BMERB1: variants seen among roughly 807,000 people sequenced by gnomAD.
BMERB1 encodes the protein bMERB domain-containing protein 1.
BMERB1 carries 12 observed loss-of-function variants against 23.6 expected under a neutral mutation model. The observed-to-expected ratio is 0.51, with a 90% CI of 0.33 to 0.82. The LOEUF is 0.82. Among genes scored for constraint, BMERB1 ranks in the 40% least tolerant of loss-of-function variants. The pLI is 0.03. For missense variants in BMERB1, 247 were observed against 255.4 expected (o/e 0.97, Z 0.22); for synonymous variants, 122 against 96.6 (o/e 1.26, Z -1.54).
intron 1 of BMERB1, among the ~76,000 whole-genome samples, chr16:15,486,475 G>A (rs2051369854): frequency 6.6e-6 from 1 of 152,136 alleles, no homozygotes; most frequent in Non-Finnish European, 1.5e-5. Flanking sequence ...ATGGGAGAGT[G>A]ACAGAAGTCA....
At chr16:15,510,010 T>C (rs116402141) in intron 1 of BMERB1, among the ~76,000 whole-genome samples, 2,217 of 152,118 alleles carry the variant, frequency 0.015, 59 homozygotes, top group African/African-American at 0.052. Flanking sequence ...TGCTATTACA[T>C]CCAGTGGCAA....
chr16:15,459,881 A>G (rs566515554), intron 1 of BMERB1, among the ~76,000 whole-genome samples: 21 of 152,274 alleles, frequency 1.4e-4, no homozygotes, highest in African/African-American at 3.8e-4. Flanking sequence ...GCCCGTTTTA[A>G]ACATCTGAGC....
intron 1 of BMERB1, among the ~76,000 whole-genome samples, chr16:15,482,580 T>C (rs1400991436): frequency 6.6e-6 from 1 of 152,002 alleles, no homozygotes; most frequent in Non-Finnish European, 1.5e-5. Context: ...CACTCGACAA[T>C]CCAAGGGCAC....
At chr16:15,486,142 C>T (rs2051366253) in intron 1 of BMERB1, among the ~76,000 whole-genome samples, 1 of 144,336 alleles carries the variant, frequency 6.9e-6, no homozygotes, top group African/African-American at 2.6e-5. Context: ...GCAGAGACTG[C>T]AGTGAGCCGA....
chr16:15,470,834 T>C (rs2051223709), intron 1 of BMERB1, among the ~76,000 whole-genome samples: 1 of 126,644 alleles, frequency 7.9e-6, no homozygotes, highest in African/African-American at 3.3e-5. Flanking sequence ...TCTTTTTTTT[T>C]TTTTTTTTTT....
intron 1 of BMERB1, among the ~76,000 whole-genome samples, chr16:15,477,962 A>G (rs1000748220): frequency 2.0e-5 from 3 of 152,152 alleles, no homozygotes; most frequent in Non-Finnish European, 2.9e-5. Context: ...GAATGACACT[A>G]CTGCATCTTG....
At chr16:15,452,249 C>T (rs189994533) in intron 1 of BMERB1, among the ~76,000 whole-genome samples, 92 of 144,132 alleles carry the variant, frequency 6.4e-4, no homozygotes, top group Non-Finnish European at 1.2e-3. Context: ...CCACTGCGCT[C>T]CAGCCTGGGA....
rs74427666 is a variant in BMERB1, at chr16:15,467,459, A to G, written c.106+32700A>G. ...ATCTAATGCTGTTGCACATCTTTTTATGGGCTTATTTGTATGTCCATCTGT... is the reference window on the plus strand; with the variant it reads ...ATCTAATGCTGTTGCACATCTTTTTGTGGGCTTATTTGTATGTCCATCTGT... On this transcript the variant is annotated intron_variant, in intron 1 of 5. Transcript: ENST00000300006. 8.0e-3 allele frequency among the ~76,000 whole-genome samples: 1,216 copies of G among 152,174 alleles called. 8 individuals carry two copies. The highest frequency in any genetic ancestry group is 0.012 in the Non-Finnish European group (832 of 67,996).
intron 3 of BMERB1, among the ~76,000 whole-genome samples, chr16:15,575,962 C>G (rs1185147184): frequency 6.6e-6 from 1 of 151,734 alleles, no homozygotes; most frequent in Non-Finnish European, 1.5e-5. Flanking sequence ...TGATTTAGTT[C>G]TAGGAAGTTG....
chr16:15,468,559 T>C (rs1343308224), intron 1 of BMERB1, among the ~76,000 whole-genome samples: 2 of 152,158 alleles, frequency 1.3e-5, no homozygotes, highest in African/African-American at 4.8e-5. Context: ...TCTGAATGAC[T>C]TTTTCAGGTT....
chr16:15,434,591 C>A lies in BMERB1; in HGVS notation c.-63C>A. 1 of 1,503,060 alleles carries A rather than the reference C, an allele frequency of 6.7e-7. No individual in the cohort carries two copies. The highest frequency in any genetic ancestry group is 9.3e-7 in the Non-Finnish European group (1 of 1,080,208). 93.1% of individuals were successfully genotyped at this position (1,503,060 alleles called of 1,614,324 possible). On this transcript the variant is annotated 5_prime_UTR_variant, in exon 1 of 6. Coordinates refer to ENST00000300006, the MANE Select transcript of BMERB1 (RefSeq NM_033201.3). ...GCTGCTGGCTGGAGCCACCTCCCTC[C>A]CTGCAGCCCGCAACGGGAATGGAGT...
intron 1 of BMERB1, among the ~76,000 whole-genome samples, chr16:15,494,883 T>A (rs2051458866): frequency 7.1e-6 from 1 of 141,432 alleles, no homozygotes; most frequent in Non-Finnish European, 1.5e-5. Flanking sequence ...TTATCTTTTT[T>A]TTTTTTTTTT....
At chr16:15,538,384 C>A (rs1332871606) in intron 2 of BMERB1, among the ~76,000 whole-genome samples, 1 of 151,478 alleles carries the variant, frequency 6.6e-6, no homozygotes, top group Non-Finnish European at 1.5e-5. Flanking sequence ...ACCTGAGAGG[C>A]GGAGATTGCA....
chr16:15,541,872 G>A (rs1015907624), intron 2 of BMERB1, among the ~76,000 whole-genome samples: 1 of 151,278 alleles, frequency 6.6e-6, no homozygotes, highest in African/African-American at 2.4e-5. Flanking sequence ...AAAGTGCTGG[G>A]ATTACAGGCT....
chr16:15,538,181 G>A (rs991667840), intron 2 of BMERB1, among the ~76,000 whole-genome samples: 76 of 152,166 alleles, frequency 5.0e-4, no homozygotes, highest in African/African-American at 1.7e-3. Flanking sequence ...GGCCGGATGC[G>A]TTGGCTCATG....
At chr16:15,532,867 A>G in intron 2 of BMERB1, 3 of 391,220 alleles carry the variant, frequency 7.7e-6, no homozygotes, top group South Asian at 5.6e-5. Context: ...TTTCATTACT[A>G]GATATCCTGG....
chr16:15,554,147 T>C (rs1265308940), intron 2 of BMERB1, among the ~76,000 whole-genome samples: 2 of 152,168 alleles, frequency 1.3e-5, no homozygotes, highest in African/African-American at 4.8e-5. Context: ...GCATCTCGAT[T>C]TGAGCAGCCT....
intron 1 of BMERB1, among the ~76,000 whole-genome samples, chr16:15,446,282 G>C (rs912168209): frequency 6.6e-6 from 1 of 152,072 alleles, no homozygotes; most frequent in African/African-American, 2.4e-5. Flanking sequence ...TGTAGTCCTA[G>C]CTACCCGGGG....
chr16:15,506,905 A>G (rs2051598208), intron 1 of BMERB1, among the ~76,000 whole-genome samples: 1 of 152,080 alleles, frequency 6.6e-6, no homozygotes. Flanking sequence ...TCTAGACAGA[A>G]CCCTTGATGT....
Sources: allele counts gnomAD v4.1 joint callset (sites outside exome capture counted in the v4.1 genomes callset), GRCh38; gene constraint gnomAD v4.1.1; transcripts MANE v1.5; gene names NCBI Gene and HGNC (gene_info 2026-07-23, HGNC 2026-07-21).